Variants in STXBP4 observed in about 807,000 individuals in gnomAD.
STXBP4 encodes syntaxin-binding protein 4.
STXBP4 carries 55 observed loss-of-function variants against 76.1 expected under a neutral mutation model. The ratio of observed to expected loss-of-function variants is 0.72; its 90% confidence interval spans 0.58 to 0.91. The LOEUF (loss-of-function observed/expected upper bound fraction) is 0.91. Among genes scored for constraint, STXBP4 ranks in the 40% least tolerant of loss-of-function variants. STXBP4 has a pLI of 0.00. For synonymous variants in STXBP4, 201 were observed against 220.2 expected (o/e 0.91, Z 0.77); for missense variants, 618 against 636.9 (o/e 0.97, Z 0.32).
At position 55,030,589 on chromosome 17, in the gene STXBP4, C is replaced by T. The variant is rs542442617; in HGVS notation, c.667-579C>T. ...AGAATGGACATTGGAATACAATTAA[C>T]AGTCTCTGAATTTTTAATCACTAAT... On this transcript the variant is annotated intron_variant, in intron 8 of 17. Transcript: ENST00000376352. Among the ~76,000 whole-genome samples, 18 of 152,306 alleles carry T rather than the reference C, an allele frequency of 1.2e-4. No homozygotes were observed. In the South Asian group the frequency reaches 3.7e-3, roughly 32 times the overall value.
intron 11 of STXBP4, among the ~76,000 whole-genome samples, chr17:55,046,865 T>A (rs1451815956): frequency 6.6e-6 from 1 of 151,948 alleles, no homozygotes; most frequent in Non-Finnish European, 1.5e-5. Flanking sequence ...TTTTGAGATT[T>A]TGCAAAATTA....
At chr17:55,045,084 G>A (rs1004466604) in intron 11 of STXBP4, among the ~76,000 whole-genome samples, 2 of 151,980 alleles carry the variant, frequency 1.3e-5, no homozygotes, top group African/African-American at 2.4e-5. Flanking sequence ...CAGAATGAAT[G>A]TCTGAAAATA....
chr17:54,994,442 G>A (rs2077765788), intron 4 of STXBP4, among the ~76,000 whole-genome samples: 1 of 152,172 alleles, frequency 6.6e-6, no homozygotes, highest in Admixed American at 6.5e-5. Context: ...GTGAATGACA[G>A]CTTCTAGCTA....
intron 17 of STXBP4, among the ~76,000 whole-genome samples, chr17:55,144,331 C>T (rs945705381): frequency 6.6e-6 from 1 of 151,988 alleles, no homozygotes; most frequent in Non-Finnish European, 1.5e-5. Flanking sequence ...TGGAACTTAA[C>T]CCTATTCAAG....
At position 55,000,801 on chromosome 17, in the gene STXBP4, T is replaced by G. The variant is rs770015180; in HGVS notation, c.499-7T>G. 7 of 1,593,024 alleles carry G rather than the reference T, an allele frequency of 4.4e-6. No homozygotes were observed. Among genetic ancestry groups the G allele is most frequent in the Non-Finnish European group, 6.0e-6 (7 of 1,161,786 alleles). The stretch of plus-strand genomic sequence containing the variant: ...TGACATTGCATGTTCCTCATTTTCT[T>G]TCACAGATAAAAACTGGATACAACA... On this transcript the variant is annotated splice_polypyrimidine_tract_variant and splice_region_variant and intron_variant, in intron 6 of 17. Transcript: ENST00000376352.
intron 16 of STXBP4, among the ~76,000 whole-genome samples, chr17:55,101,114 G>A (rs943297327): frequency 1.3e-5 from 2 of 152,150 alleles, no homozygotes; most frequent in Admixed American, 6.6e-5. Flanking sequence ...TATATGTGTG[G>A]TAGTTTGTTA....
At chr17:55,036,018 A>G (rs530455593) in intron 10 of STXBP4, among the ~76,000 whole-genome samples, 7 of 152,058 alleles carry the variant, frequency 4.6e-5, no homozygotes, top group Non-Finnish European at 1.0e-4. Flanking sequence ...TATAGTGAGA[A>G]CACTTAAAAT....
chr17:55,180,001 G>T, the STXBP4 span, among the ~76,000 whole-genome samples: 1 of 152,058 alleles, frequency 6.6e-6, no homozygotes, highest in South Asian at 2.1e-4. Context: ...CATTTACTAA[G>T]GTGCCCACTT....
intron 8 of STXBP4, among the ~76,000 whole-genome samples, chr17:55,027,512 T>G (rs1263728658): frequency 2.0e-5 from 3 of 152,134 alleles, no homozygotes; most frequent in African/African-American, 7.2e-5. Context: ...ACTTCACCAT[T>G]AATACAATTC....
intron 10 of STXBP4, among the ~76,000 whole-genome samples, chr17:55,034,542 A>C (rs2078565850): frequency 6.6e-6 from 1 of 152,132 alleles, no homozygotes; most frequent in South Asian, 2.1e-4. Context: ...AGACAAACTG[A>C]CAGATACCAT....
the STXBP4 span, among the ~76,000 whole-genome samples, chr17:55,188,262 G>A: frequency 1.3e-5 from 2 of 152,214 alleles, no homozygotes; most frequent in Non-Finnish European, 2.9e-5. Flanking sequence ...AACTGGCTGT[G>A]TAACTCACGG....
chr17:55,030,349 A>C (rs1431597698), intron 8 of STXBP4, among the ~76,000 whole-genome samples: 1 of 151,502 alleles, frequency 6.6e-6, no homozygotes, highest in Admixed American at 6.6e-5. Context: ...CTTTCCCCTT[A>C]CTAATCCGCA....
intron 16 of STXBP4, among the ~76,000 whole-genome samples, chr17:55,094,086 C>T (rs115483940): frequency 0.014 from 1,804 of 131,782 alleles, 33 homozygotes; most frequent in African/African-American, 0.048. Context: ...CAGCCAGGAA[C>T]AAAAACTATG....
At chr17:55,018,935 T>A (rs2078256433) in intron 8 of STXBP4, among the ~76,000 whole-genome samples, 2 of 152,236 alleles carry the variant, frequency 1.3e-5, no homozygotes. Context: ...ATATGATGGC[T>A]TAGCTTAGGC....
intron 10 of STXBP4, among the ~76,000 whole-genome samples, chr17:55,034,511 AC>A (rs2078565208): frequency 6.6e-6 from 1 of 152,118 alleles, no homozygotes. Flanking sequence ...TGTGGAGGAT[AC>A]GTGCTATAAC....
rs2079249123 is a variant in STXBP4, at chr17:55,081,095, G to A, written c.1401G>A (p.Leu467=). 1 of 1,555,292 alleles carries A rather than the reference G, an allele frequency of 6.4e-7. No homozygotes were observed. The highest frequency in any genetic ancestry group is 2.5e-5 in the East Asian group (1 of 39,958). Residue 467 remains leucine, a synonymous_variant, in exon 16 of 18, where the codon CTG becomes CTA. Transcript: ENST00000376352. ...VLASQTSLTP[L]GRNGRSIPAT... Reference sequence around the variant, plus strand: ...CTTCTCAGACTTCCCTCACACCACTGGGAAGGAATGGACGTAGCATCCCAG... The same window carrying A: ...CTTCTCAGACTTCCCTCACACCACTAGGAAGGAATGGACGTAGCATCCCAG...
the STXBP4 span, among the ~76,000 whole-genome samples, chr17:55,188,861 TG>T: frequency 1.3e-5 from 2 of 152,330 alleles, no homozygotes; most frequent in Admixed American, 6.5e-5. Flanking sequence ...AGTAAGAGCT[TG>T]GGCAGAACTT....
intron 16 of STXBP4, among the ~76,000 whole-genome samples, chr17:55,121,414 G>A (rs1354472244): frequency 6.6e-6 from 1 of 152,000 alleles, no homozygotes; most frequent in Non-Finnish European, 1.5e-5. Flanking sequence ...AGAGAGAGAT[G>A]AGATGCAAGA....
rs1003959853 is a variant in STXBP4, at chr17:55,163,224, T to TTG, written c.*3314_*3315insGT. 2 of 151,430 alleles carry TTG rather than the reference T, an allele frequency of 1.3e-5. No homozygotes were observed. The highest frequency in any genetic ancestry group is 6.6e-5 in the Admixed American group (1 of 15,214). 9.4% of individuals were successfully genotyped at this position (151,430 alleles called of 1,614,324 possible). ...GTTCCTATAGATTTTCTGGGTTTTT[T>TTG]TTTTTTTTTTGTCCTTGGAAGAATA... On this transcript the variant is annotated 3_prime_UTR_variant, in exon 18 of 18. Coordinates refer to ENST00000376352, the MANE Select transcript of STXBP4 (RefSeq NM_178509.6).
Sources: gnomAD v4.1 joint callset for allele counts (sites outside exome capture counted in the v4.1 genomes callset) on GRCh38, gnomAD v4.1.1 for gene constraint, MANE v1.5 for transcripts, NCBI Gene and HGNC (gene_info 2026-07-23, HGNC 2026-07-21) for gene names.